The following HIBADH variants were observed in gnomAD, a reference collection of about 807,000 sequenced individuals.
The protein encoded by HIBADH is 3-hydroxyisobutyrate dehydrogenase, mitochondrial.
A neutral mutation model predicts 36.1 loss-of-function variants in HIBADH; 25 were observed. That is an observed-to-expected ratio of 0.69 (90% CI 0.50 to 0.97). The LOEUF is 0.97. Ranked by LOEUF, HIBADH falls within the 50% of genes least tolerant of loss-of-function variation. The pLI, the probability that HIBADH is intolerant of heterozygous loss-of-function variation, is 0.00. For missense variants in HIBADH, 421 were observed against 418.0 expected, an observed-to-expected ratio of 1.01 and a Z score of -0.06; for synonymous variants, 160 against 149.5, an observed-to-expected ratio of 1.07 and a Z score of -0.51.
intron 4 of HIBADH, among the ~76,000 whole-genome samples, chr7:27,595,104 G>A (rs997187883): frequency 1.3e-5 from 2 of 152,136 alleles, no homozygotes; most frequent in African/African-American, 4.8e-5. Flanking sequence ...ACACTCAACT[G>A]TATGATAATT....
Position 27,612,544 on chromosome 7 carries a change from G to A in HIBADH, c.484+16827C>T, listed in dbSNP as rs555263309. Among the ~76,000 whole-genome samples, 29 of 151,632 alleles carry A rather than the reference G, an allele frequency of 1.9e-4. No homozygotes were observed. In the South Asian group the frequency reaches 5.2e-3, roughly 27 times the overall value. On this transcript the variant is annotated intron_variant, in intron 4 of 7. Coordinates refer to ENST00000265395, the MANE Select transcript of HIBADH (RefSeq NM_152740.4). ...TCACCATGTTGGCCAGGCTGGTCTC[G>A]GACTCCTGACCTTAGGTGATCTGCT... is the stretch of plus-strand genomic sequence containing the variant.
intron 1 of HIBADH, among the ~76,000 whole-genome samples, chr7:27,661,984 T>G (rs1282768251): frequency 6.6e-6 from 1 of 152,144 alleles, no homozygotes; most frequent in Non-Finnish European, 1.5e-5. Flanking sequence ...AAAAACTGCC[T>G]CTTTGTAAGT....
At chr7:27,592,539 T>A (rs908458333) in intron 4 of HIBADH, among the ~76,000 whole-genome samples, 1 of 152,198 alleles carries the variant, frequency 6.6e-6, no homozygotes, top group Non-Finnish European at 1.5e-5. Flanking sequence ...GCCCCATTCA[T>A]CCTATGAGTT....
intron 4 of HIBADH, among the ~76,000 whole-genome samples, chr7:27,586,428 G>A (rs1784865199): frequency 6.6e-6 from 1 of 152,014 alleles, no homozygotes; most frequent in Non-Finnish European, 1.5e-5. Flanking sequence ...GTTGATTAAA[G>A]ATGGTTTCAT....
rs554940717 is a variant in HIBADH at position 27,537,070 on chromosome 7, C to A, written c.695+1271G>T. Reference sequence around the variant, plus strand: ...GAACATGAAAACAAGTTACTAGTAACCAGTTTTTCAATTATGATAAGTGAC... The same window carrying A: ...GAACATGAAAACAAGTTACTAGTAAACAGTTTTTCAATTATGATAAGTGAC... On this transcript the variant is annotated intron_variant, in intron 6 of 7. Coordinates refer to ENST00000265395, the MANE Select transcript of HIBADH (RefSeq NM_152740.4). Among the ~76,000 whole-genome samples the A allele has an allele frequency of 5.9e-5, 9 of 152,216 alleles. No homozygotes were observed. The East Asian group carries it at 1.7e-3, about 29-fold the overall frequency.
chr7:27,535,610 C>A (rs1784060780), intron 6 of HIBADH, among the ~76,000 whole-genome samples: 1 of 152,046 alleles, frequency 6.6e-6, no homozygotes, highest in Admixed American at 6.6e-5. Context: ...TACACAGGAA[C>A]AAAACCTCTC....
chr7:27,542,901 G>C, intron 5 of HIBADH, 66 bp downstream of exon 5: 1 of 1,484,946 alleles, frequency 6.7e-7, no homozygotes, highest in Non-Finnish European at 9.2e-7. Context: ...ATATGGTCAG[G>C]AAAGAGAAAG....
At chr7:27,638,331 C>CAAAAAAAAAAAAAAA (rs1562654473) in intron 2 of HIBADH, among the ~76,000 whole-genome samples, 1 of 44,934 alleles carries the variant, frequency 2.2e-5, no homozygotes, top group African/African-American at 8.4e-5. Flanking sequence ...AAAAAAAAAA[C>CAAAAAAAAAAAAAAA]AAGCAATAAG....
intron 4 of HIBADH, among the ~76,000 whole-genome samples, chr7:27,551,804 T>G (rs1023839487): frequency 6.6e-6 from 1 of 152,196 alleles, no homozygotes; most frequent in Admixed American, 6.5e-5. Flanking sequence ...TCACTTAATT[T>G]ACTCAAAAGA....
At chr7:27,578,027 G>A (rs890508434) in intron 4 of HIBADH, among the ~76,000 whole-genome samples, 8 of 152,088 alleles carry the variant, frequency 5.3e-5, no homozygotes, top group Non-Finnish European at 8.8e-5. Context: ...ACTCCTCACA[G>A]AATACTGTTA....
rs570606235 is a variant in HIBADH, at chr7:27,540,724, C to T, written c.618+2243G>A. ...TCCTTATGATCCCCTACTCTAGAGG[C>T]TGAATTAGGGGCGTTATGTTTAGGG... On this transcript the variant is annotated intron_variant, in intron 5 of 7. Coordinates refer to ENST00000265395, the MANE Select transcript of HIBADH (RefSeq NM_152740.4). Among the ~76,000 whole-genome samples the T allele has an allele frequency of 7.9e-5, 12 of 152,252 alleles. No homozygotes were observed. The South Asian group carries it at 2.5e-3, about 32-fold the overall frequency.
chr7:27,564,323 T>C (rs914232472), intron 4 of HIBADH, among the ~76,000 whole-genome samples: 9 of 152,242 alleles, frequency 5.9e-5, no homozygotes, highest in Non-Finnish European at 8.8e-5. Flanking sequence ...TCTGTAAGTT[T>C]TACATTTAGC....
chr7:27,652,201 T>A (rs756855822), intron 1 of HIBADH, among the ~76,000 whole-genome samples: 44 of 152,308 alleles, frequency 2.9e-4, no homozygotes, highest in Middle Eastern at 3.4e-3. Context: ...ATGCCAAGAT[T>A]CAAATCCAGA....
Position 27,595,141 on chromosome 7 carries a change from C to CATAAACTGAATAAAGAAAGG in HIBADH, c.484+34210_484+34229dup, listed in dbSNP as rs747140780. On this transcript the variant is annotated intron_variant, in intron 4 of 7. Transcript: ENST00000265395. ...CAAGCTTCTGTATTTTAAAAATTAC[C>CATAAACTGAATAAAGAAAGG]ATAAACTGAATAAAGAAAGGACAAA... Among the ~76,000 whole-genome samples, 391 of 152,186 alleles carry CATAAACTGAATAAAGAAAGG rather than the reference C, an allele frequency of 2.6e-3. 2 individuals carry two copies. Among genetic ancestry groups the CATAAACTGAATAAAGAAAGG allele is most frequent in the Non-Finnish European group, 4.4e-3 (297 of 67,998 alleles).
intron 4 of HIBADH, among the ~76,000 whole-genome samples, chr7:27,567,441 G>A (rs749792019): frequency 1.3e-4 from 20 of 151,870 alleles, no homozygotes; most frequent in Non-Finnish European, 2.4e-4. Context: ...TGATAATATC[G>A]TGCCTTTTAG....
At chr7:27,568,194 G>C (rs1184129612) in intron 4 of HIBADH, among the ~76,000 whole-genome samples, 1 of 152,118 alleles carries the variant, frequency 6.6e-6, no homozygotes, top group East Asian at 1.9e-4. Flanking sequence ...ACCTGAAGAA[G>C]TTCCTTTATC....
intron 7 of HIBADH, among the ~76,000 whole-genome samples, chr7:27,527,328 A>G (rs1166402341): frequency 6.6e-6 from 1 of 152,226 alleles, no homozygotes. Context: ...TTGCTTTGAT[A>G]TGGAAAATAA....
chr7:27,629,305 A>C, intron 4 of HIBADH, 66 bp downstream of exon 4: 1 of 1,516,440 alleles, frequency 6.6e-7, no homozygotes, highest in Non-Finnish European at 9.0e-7. Flanking sequence ...ATATGGTACA[A>C]CAAAACCATA....
At chr7:27,594,706 T>G (rs1436968371) in intron 4 of HIBADH, among the ~76,000 whole-genome samples, 1 of 152,236 alleles carries the variant, frequency 6.6e-6, no homozygotes, top group East Asian at 1.9e-4. Context: ...GAAAGACAAC[T>G]ACCCTTCCAG....
Sources: allele counts gnomAD v4.1 joint callset (sites outside exome capture counted in the v4.1 genomes callset), GRCh38; gene constraint gnomAD v4.1.1; transcripts MANE v1.5; gene names NCBI Gene and HGNC (gene_info 2026-07-23, HGNC 2026-07-21).